The following ABCA13 variants were observed in gnomAD, a reference collection of about 807,000 sequenced individuals.
The protein encoded by ABCA13 is ATP-binding cassette sub-family A member 13.
In ABCA13, 476 loss-of-function variants were observed where a neutral mutation model predicts 478.7. That is an observed-to-expected ratio of 0.99 (90% confidence interval 0.92 to 1.07). The LOEUF (loss-of-function observed/expected upper bound fraction) is 1.07, where lower values mean the gene tolerates loss of function less well. Among genes scored for constraint, ABCA13 ranks in the 50% least tolerant of loss-of-function variants. The pLI, the probability that ABCA13 is intolerant of heterozygous loss-of-function variation, is 0.00. For synonymous variants in ABCA13, 2,252 were observed against 2,158.9 expected, an observed-to-expected ratio of 1.04 and a Z score of -1.20; for missense variants, 6,060 against 5,910.6, an observed-to-expected ratio of 1.03 and a Z score of -0.83.
chr7:48,476,156 G>A (rs1278042324), intron 45 of ABCA13, among the ~76,000 whole-genome samples: 16 of 152,170 alleles, frequency 1.1e-4, no homozygotes, highest in Admixed American at 4.6e-4. Context: ...GGTGTCTGAA[G>A]ACTCTTGAGG....
chr7:48,244,852 C>T (rs1450757443), intron 11 of ABCA13, 149 bp downstream of exon 11: 1 of 958,002 alleles, frequency 1.0e-6, no homozygotes, highest in South Asian at 1.8e-5. Flanking sequence ...TACTCTGATG[C>T]CTTCTAGGGG....
intron 4 of ABCA13, 146 bp downstream of exon 4, chr7:48,219,651 C>A: frequency 1.8e-6 from 2 of 1,093,626 alleles, no homozygotes; most frequent in Non-Finnish European, 2.6e-6. Context: ...ATGAGGCCAG[C>A]ACCTGCAGAC....
chr7:48,441,361 C>T (rs549828193), intron 42 of ABCA13, among the ~76,000 whole-genome samples: 2 of 152,298 alleles, frequency 1.3e-5, no homozygotes, highest in South Asian at 4.1e-4. Context: ...TCAAAGATTA[C>T]TCTTTTGTTA....
chr7:48,522,900 G>T (rs1832652965), intron 53 of ABCA13, among the ~76,000 whole-genome samples: 1 of 151,322 alleles, frequency 6.6e-6, no homozygotes, highest in East Asian at 1.9e-4. Context: ...GAATACAGTG[G>T]CACAACTTCC....
intron 15 of ABCA13, among the ~76,000 whole-genome samples, chr7:48,259,199 G>T (rs1199535987): frequency 1.3e-5 from 2 of 152,038 alleles, no homozygotes; most frequent in South Asian, 2.1e-4. Flanking sequence ...TGTCAGTGGG[G>T]TGTTGAATTC....
intron 44 of ABCA13, among the ~76,000 whole-genome samples, chr7:48,470,388 C>T (rs1827352595): frequency 6.6e-6 from 1 of 152,162 alleles, no homozygotes; most frequent in South Asian, 2.1e-4. Context: ...AAATTATAAA[C>T]ACTTGTTAAC....
intron 44 of ABCA13, among the ~76,000 whole-genome samples, chr7:48,467,537 G>T (rs146649309): frequency 2.0e-5 from 3 of 152,082 alleles, no homozygotes; most frequent in African/African-American, 7.2e-5. Flanking sequence ...TTATTGTGAT[G>T]ATCTTTCTAT....
intron 3 of ABCA13, among the ~76,000 whole-genome samples, chr7:48,200,378 A>C (rs1003483159): frequency 1.4e-4 from 22 of 151,946 alleles, no homozygotes; most frequent in African/African-American, 5.1e-4. Flanking sequence ...AACAAAAAAA[A>C]CCCCCCAAAT....
In ABCA13 at chr7:48,227,350, C is replaced by T. The variant is rs757024901; in HGVS notation, c.557C>T (p.Pro186Leu). The T allele has an allele frequency of 1.2e-5, 19 of 1,575,196 alleles. No individual in the cohort carries two copies. Among genetic ancestry groups the T allele is most frequent in the East Asian group, 4.6e-5 (2 of 43,170 alleles). Residue 186 changes from proline to leucine, a missense_variant, in exon 6 of 62, where the codon CCG becomes CTG. Physicochemically the swap from Pro to Leu is moderately conservative, Grantham distance 98. Coordinates refer to ENST00000435803, the MANE Select transcript of ABCA13 (RefSeq NM_152701.5). ...ATCTGGGATTTTCTACTTTTACTGC[C>T]GAGACTACACACAAGCCATGATCAT... is the stretch of plus-strand genomic sequence containing the variant. ...PHIWDFLLLLPRLHTSHDHVE... is the reference protein window; with the variant it reads ...PHIWDFLLLLLRLHTSHDHVE...
rs573748979 is a variant in ABCA13 at position 48,386,866 on chromosome 7, A to C, written c.11336-956A>C. ...CAAAGATGCCAAAAGCAATTGCAAC[A>C]AAAGCAAAAATTGACTAATGGGATC... On this transcript the variant is annotated intron_variant, in intron 35 of 61. Transcript: ENST00000435803. Among the ~76,000 whole-genome samples the C allele has an allele frequency of 2.0e-5, 3 of 152,346 alleles. No individual in the cohort carries two copies. The South Asian group carries it at 6.2e-4, about 32-fold the overall frequency.
At chr7:48,517,555 A>G (rs960861544) in intron 52 of ABCA13, among the ~76,000 whole-genome samples, 9 of 152,096 alleles carry the variant, frequency 5.9e-5, no homozygotes, top group African/African-American at 2.2e-4. Flanking sequence ...AGGTGAACCC[A>G]TTAGTCCTGC....
chr7:48,605,351 T>G (rs775073281), intron 58 of ABCA13, among the ~76,000 whole-genome samples: 1 of 152,242 alleles, frequency 6.6e-6, no homozygotes, highest in South Asian at 2.1e-4. Flanking sequence ...TGGTATGTTT[T>G]TGCAGTGGCT....
chr7:48,461,225 T>C (rs745604801), intron 43 of ABCA13, among the ~76,000 whole-genome samples: 4 of 152,212 alleles, frequency 2.6e-5, no homozygotes, highest in Non-Finnish European at 4.4e-5. Context: ...GGAAGCCTTT[T>C]TTCTGGCAGA....
intron 45 of ABCA13, among the ~76,000 whole-genome samples, chr7:48,480,825 TTGAC>T (rs1181938327): frequency 6.6e-6 from 1 of 152,218 alleles, no homozygotes; most frequent in African/African-American, 2.4e-5. Context: ...TCAGATATAA[TTGAC>T]TGCATAAGTC....
At chr7:48,295,097 A>C (rs1247578326) in intron 20 of ABCA13, among the ~76,000 whole-genome samples, 1 of 152,144 alleles carries the variant, frequency 6.6e-6, no homozygotes, top group East Asian at 1.9e-4. Context: ...TATTTTGAGG[A>C]ATCTTCATAC....
chr7:48,464,616 A>C (rs537166540), intron 43 of ABCA13, among the ~76,000 whole-genome samples: 5 of 152,298 alleles, frequency 3.3e-5, no homozygotes, highest in African/African-American at 1.2e-4. Context: ...TCTCAATTAA[A>C]TTTTGTTTTT....
intron 27 of ABCA13, among the ~76,000 whole-genome samples, chr7:48,319,417 T>C (rs1375846211): frequency 3.9e-5 from 6 of 152,166 alleles, no homozygotes; most frequent in Non-Finnish European, 7.3e-5. Flanking sequence ...CCATGGCTAT[T>C]TGGTTTTATG....
At chr7:48,541,903 G>T (rs1396293904) in intron 55 of ABCA13, among the ~76,000 whole-genome samples, 2 of 144,936 alleles carry the variant, frequency 1.4e-5, no homozygotes, top group South Asian at 4.3e-4. Flanking sequence ...GTTAAAAAAG[G>T]TATTTTTTTT....
Position 48,241,096 on chromosome 7 carries a change from A to G in ABCA13, c.1262+30A>G, listed in dbSNP as rs764764482. On this transcript the variant is annotated intron_variant, in intron 10 of 61. Coordinates refer to ENST00000435803, the MANE Select transcript of ABCA13 (RefSeq NM_152701.5). ...GTCGCATTTCCCTGTTTGATTATTG[A>G]TTAGGTAGATGACACAGAATGTTAA... 5 of 1,611,076 alleles carry G rather than the reference A, an allele frequency of 3.1e-6. No individual in the cohort carries two copies. The South Asian group carries it at 3.3e-5, about 11-fold the overall frequency.
Sources: gnomAD v4.1 joint callset for allele counts (sites outside exome capture counted in the v4.1 genomes callset) on GRCh38, gnomAD v4.1.1 for gene constraint, MANE v1.5 for transcripts, NCBI Gene and HGNC (gene_info 2026-07-23, HGNC 2026-07-21) for gene names.